CREBBP: variants seen among roughly 807,000 people sequenced by gnomAD.
The protein encoded by CREBBP is CREB-binding protein.
CREBBP carries 19 observed loss-of-function variants against 265.0 expected under a neutral mutation model. The observed-to-expected ratio is 0.07, with a 90% CI of 0.05 to 0.11. The LOEUF (loss-of-function observed/expected upper bound fraction) is 0.11. Ranked by LOEUF, CREBBP falls within the 10% of genes least tolerant of loss-of-function variation. The pLI is 1.00. For synonymous variants in CREBBP, 1,457 were observed against 1,223.7 expected, an observed-to-expected ratio of 1.19 and a Z score of -3.98; for missense variants, 2,525 against 3,219.0, an observed-to-expected ratio of 0.78 and a Z score of 5.22.
intron 11 of CREBBP, 61 bp from the exon 12 acceptor site, chr16:3,774,754 C>G: frequency 6.2e-7 from 1 of 1,607,660 alleles, no homozygotes; most frequent in Middle Eastern, 1.7e-4. Flanking sequence ...AGAATTACAA[C>G]TTGCTAAATA....
At chr16:3,752,448 T>C (rs1474920603) in intron 19 of CREBBP, among the ~76,000 whole-genome samples, 1 of 148,732 alleles carries the variant, frequency 6.7e-6, no homozygotes, top group Non-Finnish European at 1.5e-5. Context: ...GATTTTAATT[T>C]TTTCCTGTTT....
At chr16:3,817,575 A>G (rs762325899) in intron 2 of CREBBP, among the ~76,000 whole-genome samples, 20 of 152,232 alleles carry the variant, frequency 1.3e-4, no homozygotes, top group Non-Finnish European at 2.8e-4. Flanking sequence ...GGAGAGAGAA[A>G]AGTCAAGTCA....
At chr16:3,823,131 C>T (rs1439024222) in intron 2 of CREBBP, among the ~76,000 whole-genome samples, 2 of 152,174 alleles carry the variant, frequency 1.3e-5, no homozygotes, top group African/African-American at 4.8e-5. Context: ...ATAGTGATTT[C>T]TCTGGATGGC....
At position 3,736,876 on chromosome 16, in the gene CREBBP, G is replaced by A. The variant is rs1443207856; in HGVS notation, c.4395-61C>T. On this transcript the variant is annotated intron_variant, in intron 26 of 30. Transcript: ENST00000262367. ...CCAGTGAAATCGGCCCTGCCTTTAAGGAGTTATAGCAGAGGAGCAAGGACT... is the reference window on the plus strand; with the variant it reads ...CCAGTGAAATCGGCCCTGCCTTTAAAGAGTTATAGCAGAGGAGCAAGGACT... The A allele has an allele frequency of 5.0e-6, 8 of 1,599,700 alleles. No homozygotes were observed. The East Asian group carries it at 8.9e-5, about 18-fold the overall frequency.
intron 3 of CREBBP, among the ~76,000 whole-genome samples, chr16:3,798,939 T>A (rs533412423): frequency 6.6e-6 from 1 of 152,100 alleles, no homozygotes; most frequent in Non-Finnish European, 1.5e-5. Flanking sequence ...CAAATGCCCA[T>A]CAAGTGATGA....
At chr16:3,816,497 T>C (rs2054038738) in intron 2 of CREBBP, among the ~76,000 whole-genome samples, 1 of 152,012 alleles carries the variant, frequency 6.6e-6, no homozygotes, top group East Asian at 1.9e-4. Flanking sequence ...CCAAGAACAA[T>C]ACAAAGAGGC....
intron 2 of CREBBP, among the ~76,000 whole-genome samples, chr16:3,844,645 G>T (rs561976660): frequency 2.0e-5 from 3 of 152,132 alleles, no homozygotes; most frequent in Non-Finnish European, 2.9e-5. Flanking sequence ...AAAAATATTG[G>T]CAAGGAGAAA....
intron 2 of CREBBP, among the ~76,000 whole-genome samples, chr16:3,825,793 A>G (rs1159496844): frequency 6.6e-6 from 1 of 152,230 alleles, no homozygotes; most frequent in Non-Finnish European, 1.5e-5. Context: ...TTTTCATTAA[A>G]ATGTCATTGT....
chr16:3,864,995 G>A (rs2055148447), intron 1 of CREBBP, among the ~76,000 whole-genome samples: 2 of 152,174 alleles, frequency 1.3e-5, no homozygotes, highest in African/African-American at 4.8e-5. Context: ...AGAGGTGGAG[G>A]CTGCAGTGAG....
chr16:3,746,191 G>A (rs1272137545), intron 21 of CREBBP, among the ~76,000 whole-genome samples: 1 of 152,170 alleles, frequency 6.6e-6, no homozygotes, highest in African/African-American at 2.4e-5. Context: ...GTGTGCTCCT[G>A]AGCTTTGAGC....
intron 2 of CREBBP, among the ~76,000 whole-genome samples, chr16:3,813,946 C>G (rs2053985241): frequency 6.6e-6 from 1 of 152,204 alleles, no homozygotes; most frequent in South Asian, 2.1e-4. Flanking sequence ...GCCCAGGCAC[C>G]CTGGCTCCAG....
In CREBBP at chr16:3,729,065, C is replaced by A. The variant is rs746559750; in HGVS notation, c.5982G>T (p.Gln1994His). 6.3e-7 allele frequency: 1 copy of A among 1,584,576 alleles called. No homozygotes were observed. Among genetic ancestry groups the A allele is most frequent in the Non-Finnish European group, 8.5e-7 (1 of 1,170,910 alleles). ...GCACATTCAGGCTCACGGGGGCCAT[C>A]TGGCTCCCCGGGGTCCCCATGCCCG... ...GRTGMGTPGS[Q>H]MAPVSLNVPR... The change falls in exon 31 of 31, where the codon CAG becomes CAT. Residue 1994 changes from glutamine (Q) to histidine (H), a missense_variant. Around this residue, in one of 19 missense-constraint regions of CREBBP, gnomAD observed 275 missense variants for 276.5 expected, o/e 0.99. Coordinates refer to ENST00000262367, the MANE Select transcript of CREBBP (RefSeq NM_004380.3).
intron 3 of CREBBP, among the ~76,000 whole-genome samples, chr16:3,807,928 G>T (rs1163532976): frequency 6.6e-6 from 1 of 152,088 alleles, no homozygotes; most frequent in East Asian, 1.9e-4. Flanking sequence ...TGCCCTCCAG[G>T]GTCAGTGGTG....
intron 16 of CREBBP, among the ~76,000 whole-genome samples, chr16:3,765,003 G>C (rs1381448152): frequency 1.3e-5 from 2 of 149,944 alleles, no homozygotes; most frequent in African/African-American, 4.9e-5. Flanking sequence ...TTTTTGAGAC[G>C]GCGTCTCGCT....
intron 3 of CREBBP, among the ~76,000 whole-genome samples, chr16:3,804,064 A>C (rs1442805390): frequency 6.6e-6 from 1 of 151,842 alleles, no homozygotes; most frequent in Admixed American, 6.6e-5. Context: ...AAATGGGGTG[A>C]CAGTGAGACC....
At chr16:3,798,549 C>A (rs1023353353) in intron 3 of CREBBP, among the ~76,000 whole-genome samples, 2 of 152,140 alleles carry the variant, frequency 1.3e-5, no homozygotes, top group South Asian at 2.1e-4. Flanking sequence ...AGAAGATACA[C>A]GAATGGCCAA....
At position 3,731,760 on chromosome 16, in the gene CREBBP, C is replaced by A; in HGVS notation, c.4890+16G>T. 1 of 1,614,068 alleles carries A rather than the reference C, an allele frequency of 6.2e-7. No homozygotes were observed. ...CCGGCCAGAGGCACGGCTGCAGCAC[C>A]GCAGCCCACGCCTACCTCCTTGTGC... On this transcript the variant is annotated intron_variant, in intron 29 of 30. Coordinates refer to ENST00000262367, the MANE Select transcript of CREBBP (RefSeq NM_004380.3). This position sits in a 1 kb window ranked among gnomAD's most constrained non-coding sequence, Gnocchi z 7.7.
intron 11 of CREBBP, among the ~76,000 whole-genome samples, chr16:3,775,998 C>T (rs1260349353): frequency 6.6e-6 from 1 of 152,034 alleles, no homozygotes; most frequent in Non-Finnish European, 1.5e-5. Flanking sequence ...CTCACTGCAG[C>T]CTCCGCCTCC....
intron 26 of CREBBP, 76 bp downstream of exon 26, chr16:3,738,483 C>T: frequency 1.1e-6 from 1 of 871,234 alleles, no homozygotes; most frequent in Non-Finnish European, 1.9e-6. Flanking sequence ...TTAAAATACC[C>T]ATTATTTCAC....
Sources: allele counts gnomAD v4.1 joint callset (sites outside exome capture counted in the v4.1 genomes callset), GRCh38; gene constraint gnomAD v4.1.1; regional missense constraint gnomAD v4.1.1; non-coding constraint Gnocchi (gnomAD v3.1); transcripts MANE v1.5; gene names NCBI Gene and HGNC (gene_info 2026-07-23, HGNC 2026-07-21).